Variants in TBC1D4 observed in about 807,000 individuals in gnomAD.
The protein encoded by TBC1D4 is TBC (Tre-2, BUB2, CDC16) domain-containing protein.
A neutral mutation model predicts 142.5 loss-of-function variants in TBC1D4; 121 were observed. The observed-to-expected ratio is 0.85, with a 90% CI of 0.73 to 0.99. The LOEUF (loss-of-function observed/expected upper bound fraction) is 0.99, where lower values mean the gene tolerates loss of function less well. Ranked by LOEUF, TBC1D4 falls within the 50% of genes least tolerant of loss-of-function variation. The pLI is 0.00. For synonymous variants in TBC1D4, 630 were observed against 628.2 expected (o/e 1.00, Z -0.04); for missense variants, 1,475 against 1,606.6 (o/e 0.92, Z 1.40).
intron 1 of TBC1D4, among the ~76,000 whole-genome samples, chr13:75,399,679 G>T (rs538568487): frequency 4.6e-5 from 7 of 152,232 alleles, no homozygotes; most frequent in Non-Finnish European, 8.8e-5. Flanking sequence ...TTTGTGGCCA[G>T]AGGGCAGACA....
chr13:75,370,958 G>C (rs951898965), intron 1 of TBC1D4, among the ~76,000 whole-genome samples: 9 of 152,170 alleles, frequency 5.9e-5, no homozygotes, highest in African/African-American at 2.2e-4. Flanking sequence ...TAGCCCTGAA[G>C]CCACAGTGCT....
In TBC1D4 at chr13:75,362,214, C is replaced by T. The variant is rs752368866; in HGVS notation, c.892G>A (p.Glu298Lys). ...AAGCCAGAATCTTCCAAAATCCGCT[C>T]AGGGAAGCAGACCCGAGAGCTGGTC... is the stretch of plus-strand genomic sequence containing the variant. ...ALTSSRVCFP[E>K]RILEDSGFDE... is the part of the protein sequence containing the mutation. The change falls in exon 2 of 21, where the codon GAG becomes AAG. Residue 298 changes from glutamate (E) to lysine (K), a missense_variant. Physicochemically the swap from Glu to Lys is moderately conservative, Grantham distance 56. Around this residue, in one of 2 missense-constraint regions of TBC1D4, gnomAD observed 1,227 missense variants for 1,267.7 expected, o/e 0.97. Coordinates refer to ENST00000377636, the MANE Select transcript of TBC1D4 (RefSeq NM_014832.5). The surrounding 1 kb of genome is among the most constrained non-coding windows in gnomAD (Gnocchi z 4.2). 3.7e-6 allele frequency: 6 copies of T among 1,613,808 alleles called. No individual in the cohort carries two copies. In the Admixed American group the frequency reaches 6.7e-5, roughly 18 times the overall value.
At position 75,325,152 on chromosome 13, in the gene TBC1D4, CT is replaced by C. The variant is rs1378287700; in HGVS notation, c.2034-752del. On this transcript the variant is annotated intron_variant, in intron 10 of 20. Transcript: ENST00000377636. ...CTGGAAAAAAAAAGAGTTCTATTGC[CT>C]TGAGTAAATATATATGAAGTGATCA... Among the ~76,000 whole-genome samples the C allele has an allele frequency of 1.6e-4, 25 of 152,010 alleles. No individual in the cohort carries two copies. The Middle Eastern group carries it at 0.01, about 62-fold the overall frequency.
intron 1 of TBC1D4, among the ~76,000 whole-genome samples, chr13:75,407,201 A>G (rs1885388890): frequency 6.6e-6 from 1 of 152,146 alleles, no homozygotes; most frequent in South Asian, 2.1e-4. Context: ...CGTTCAACAA[A>G]CTCAACAGCA....
Position 75,481,749 on chromosome 13 carries a change from T to C in TBC1D4, c.19A>G (p.Ile7Val), listed in dbSNP as rs1412279653. Residue 7 changes from isoleucine (I) to valine (V), a missense_variant, in exon 1 of 21, where the codon ATT becomes GTT. Ile to Val is a conservative substitution (Grantham distance 29). This residue lies in a region of TBC1D4 where 1,227 missense variants were observed against 1,267.7 expected (regional missense o/e 0.97). Coordinates refer to ENST00000377636, the MANE Select transcript of TBC1D4 (RefSeq NM_014832.5). ...GGGTGCGGGAACGGCTCATCCTGAATGCAGCTGGGCGGCTCCATAACTCTC... is the reference window on the plus strand; with the variant it reads ...GGGTGCGGGAACGGCTCATCCTGAACGCAGCTGGGCGGCTCCATAACTCTC... MEPPSC[I>V]QDEPFPHPLE... is the part of the protein sequence containing the mutation. The C allele has an allele frequency of 6.3e-7, 1 of 1,590,102 alleles. No homozygotes were observed.
In TBC1D4 at chr13:75,447,735, C is replaced by T. The variant is rs1887351407; in HGVS notation, c.498+33535G>A. On this transcript the variant is annotated intron_variant, in intron 1 of 20. Transcript: ENST00000377636. ...CACTCCCTATCTCTCACATTACTGC[C>T]TGAGCTCTACCTCCTGTCAGATCAG... Among the ~76,000 whole-genome samples, 3 of 152,182 alleles carry T rather than the reference C, an allele frequency of 2.0e-5. 1 individual carries two copies. The Middle Eastern group carries it at 0.01, about 518-fold the overall frequency.
intron 4 of TBC1D4, 150 bp downstream of exon 4, chr13:75,355,997 G>C (rs1882011481): frequency 2.9e-6 from 2 of 697,982 alleles, no homozygotes; most frequent in East Asian, 2.7e-5. Flanking sequence ...TTCTACTGCT[G>C]TGCTGCTTTG....
rs2236419 is a variant in TBC1D4 at position 75,326,679 on chromosome 13, C to T, written c.1807-256G>A. On this transcript the variant is annotated intron_variant, in intron 9 of 20. Transcript: ENST00000377636. ...GGATAAGCAGCTGTAAGACAGCATC[C>T]GTAAAGACAGGCCAGAAAGTGAGAG... is the stretch of plus-strand genomic sequence containing the variant. 2.2e-3 allele frequency among the ~76,000 whole-genome samples: 329 copies of T among 152,182 alleles called. 6 individuals are homozygous for T. In the East Asian group the frequency reaches 0.035, roughly 16 times the overall value.
chr13:75,383,512 CCTT>C (rs552856884), intron 1 of TBC1D4, among the ~76,000 whole-genome samples: 67 of 152,286 alleles, frequency 4.4e-4, no homozygotes, highest in African/African-American at 1.6e-3. Flanking sequence ...AGTAGTCCCT[CCTT>C]ATCTGTAGTT....
intron 1 of TBC1D4, among the ~76,000 whole-genome samples, chr13:75,424,507 A>C (rs1886299248): frequency 1.3e-5 from 2 of 152,288 alleles, no homozygotes; most frequent in Non-Finnish European, 2.9e-5. Context: ...AGAAGTAAAA[A>C]AAAAATCTTA....
At chr13:75,329,324 A>G (rs1375677457) in intron 8 of TBC1D4, among the ~76,000 whole-genome samples, 2 of 152,094 alleles carry the variant, frequency 1.3e-5, no homozygotes, top group Admixed American at 1.3e-4. Context: ...AAACACGAAT[A>G]TATTACAAAA....
intron 1 of TBC1D4, among the ~76,000 whole-genome samples, chr13:75,412,503 A>G (rs1200892812): frequency 3.9e-5 from 6 of 152,018 alleles, no homozygotes; most frequent in Non-Finnish European, 2.9e-5. Flanking sequence ...ACAAGGTCTC[A>G]CTATGTTGCA....
chr13:75,316,219 T>C (rs1303746718), intron 12 of TBC1D4, among the ~76,000 whole-genome samples: 1 of 152,186 alleles, frequency 6.6e-6, no homozygotes, highest in African/African-American at 2.4e-5. Flanking sequence ...AACTGAGTTG[T>C]ACCCATATCA....
At chr13:75,417,896 T>C (rs969857401) in intron 1 of TBC1D4, among the ~76,000 whole-genome samples, 3 of 152,196 alleles carry the variant, frequency 2.0e-5, no homozygotes, top group Admixed American at 6.5e-5. Context: ...TTATGCAATC[T>C]TGAGTAAGTC....
At chr13:75,401,182 C>T (rs7327422) in intron 1 of TBC1D4, among the ~76,000 whole-genome samples, 3,607 of 152,170 alleles carry the variant, frequency 0.024, 138 homozygotes, top group African/African-American at 0.082. Context: ...CTACATACTC[C>T]CCTTCTCCCT....
At chr13:75,348,165 A>T (rs1881307877) in intron 5 of TBC1D4, among the ~76,000 whole-genome samples, 1 of 152,172 alleles carries the variant, frequency 6.6e-6, no homozygotes, top group Non-Finnish European at 1.5e-5. Context: ...ACAAAAAAAA[A>T]ACCTGTGTTT....
At chr13:75,308,080 A>T (rs1340552835) in intron 14 of TBC1D4, among the ~76,000 whole-genome samples, 1 of 152,262 alleles carries the variant, frequency 6.6e-6, no homozygotes, top group Admixed American at 6.5e-5. Context: ...GTGAACAGGG[A>T]CAGTTAATAT....
intron 19 of TBC1D4, among the ~76,000 whole-genome samples, chr13:75,291,068 G>A (rs1352034337): frequency 6.6e-6 from 1 of 152,100 alleles, no homozygotes; most frequent in Non-Finnish European, 1.5e-5. Context: ...CACTCACCTG[G>A]TCCCTATGAA....
At chr13:75,471,865 G>A (rs565163443) in intron 1 of TBC1D4, among the ~76,000 whole-genome samples, 112 of 152,294 alleles carry the variant, frequency 7.4e-4, no homozygotes, top group Non-Finnish European at 1.1e-3. Context: ...CCAGCACTTT[G>A]GGAGGCCGAG....
Sources: gnomAD v4.1 joint callset for allele counts (sites outside exome capture counted in the v4.1 genomes callset) on GRCh38, gnomAD v4.1.1 for gene constraint, gnomAD v4.1.1 regional missense constraint, Gnocchi (gnomAD v3.1) non-coding constraint, MANE v1.5 for transcripts, NCBI Gene and HGNC (gene_info 2026-07-23, HGNC 2026-07-21) for gene names.